Variants in DTL observed in about 807,000 individuals in gnomAD.
The protein encoded by DTL is denticleless E3 ubiquitin protein ligase adapter, also known as denticleless protein homolog.
In DTL, 46 loss-of-function variants were observed where a neutral mutation model predicts 87.0. That is an observed-to-expected ratio of 0.53 (90% CI 0.42 to 0.68). DTL has a LOEUF of 0.68. DTL is among the 30% of genes least tolerant of loss of function. DTL has a pLI of 0.00. For synonymous variants in DTL, 308 were observed against 311.2 expected, an observed-to-expected ratio of 0.99 and a Z score of 0.11; for missense variants, 737 against 869.4, an observed-to-expected ratio of 0.85 and a Z score of 1.91.
intron 5 of DTL, among the ~76,000 whole-genome samples, chr1:212,052,468 C>T (rs1195582825): frequency 6.6e-6 from 1 of 151,950 alleles, no homozygotes; most frequent in Non-Finnish European, 1.5e-5. Flanking sequence ...GAAATCCCAT[C>T]TTTACTAAAA....
intron 11 of DTL, among the ~76,000 whole-genome samples, chr1:212,077,372 T>C (rs1422873722): frequency 6.6e-6 from 1 of 152,184 alleles, no homozygotes; most frequent in East Asian, 1.9e-4. Context: ...TAGTCACATG[T>C]ACAGGACAGT....
At chr1:212,057,031 C>T (rs540211763) in intron 5 of DTL, among the ~76,000 whole-genome samples, 4 of 152,188 alleles carry the variant, frequency 2.6e-5, no homozygotes, top group African/African-American at 9.6e-5. Context: ...TATGAATTTT[C>T]AGTGTCCCAG....
At chr1:212,038,497 ATCT>A (rs1342161387) in intron 1 of DTL, among the ~76,000 whole-genome samples, 1 of 152,228 alleles carries the variant, frequency 6.6e-6, no homozygotes, top group African/African-American at 2.4e-5. Flanking sequence ...AGACTTCTTC[ATCT>A]TCCTCACAGT....
At position 212,078,217 on chromosome 1, in the gene DTL, T is replaced by G; in HGVS notation, c.1080T>G (p.Ser360=). 5.6e-6 allele frequency: 9 copies of G among 1,613,024 alleles called. No individual in the cohort carries two copies. The highest frequency in any genetic ancestry group is 7.6e-6 in the Non-Finnish European group (9 of 1,179,094). Residue 360 remains serine (S), a synonymous_variant, in exon 12 of 15, where the codon TCT becomes TCG. Coordinates refer to ENST00000366991, the MANE Select transcript of DTL (RefSeq NM_016448.4). ...WQPPTVLLGH[S]QEVTSVCWCP... ...CTCCTACTGTGCTCCTGGGTCATTC[T>G]CAAGAGGTCACGTCTGTGTGCTGGT...
At chr1:212,064,620 A>G (rs1267695462) in intron 6 of DTL, among the ~76,000 whole-genome samples, 1 of 152,152 alleles carries the variant, frequency 6.6e-6, no homozygotes, top group Non-Finnish European at 1.5e-5. Context: ...TATCAAGCTC[A>G]TTTCTTTCCA....
chr1:212,087,521 G>C (rs1009397666), intron 13 of DTL, among the ~76,000 whole-genome samples: 1 of 151,804 alleles, frequency 6.6e-6, no homozygotes, highest in South Asian at 2.1e-4. Flanking sequence ...CTGCACTCCA[G>C]CCTGAGCGAC....
chr1:212,065,480 G>A (rs879302542), intron 7 of DTL, among the ~76,000 whole-genome samples: 3 of 151,984 alleles, frequency 2.0e-5, no homozygotes, highest in Non-Finnish European at 2.9e-5. Context: ...AATACTGTGT[G>A]CATCAGAGTT....
intron 11 of DTL, among the ~76,000 whole-genome samples, chr1:212,073,451 GTTATATCATTTTTTATCC>G (rs1479769635): frequency 6.6e-6 from 1 of 152,166 alleles, no homozygotes; most frequent in African/African-American, 2.4e-5. Context: ...TCAAGAGAAA[GTTATATCATTTTTTATCC>G]TGCCAAGCTC....
intron 13 of DTL, among the ~76,000 whole-genome samples, chr1:212,096,404 C>T (rs1558091588): frequency 6.6e-6 from 1 of 151,904 alleles, no homozygotes; most frequent in African/African-American, 2.4e-5. Context: ...TATATCTTTC[C>T]TCCTCCTGGG....
intron 1 of DTL, among the ~76,000 whole-genome samples, chr1:212,039,983 A>G (rs906683557): frequency 6.6e-6 from 1 of 152,206 alleles, no homozygotes; most frequent in African/African-American, 2.4e-5. Context: ...CTTAGGCTGC[A>G]TTAAATTGAT....
chr1:212,076,233 G>T (rs567730701), intron 11 of DTL, among the ~76,000 whole-genome samples: 1 of 152,114 alleles, frequency 6.6e-6, no homozygotes, highest in African/African-American at 2.4e-5. Context: ...AACAGAATTC[G>T]ATTCCTAAGA....
At chr1:212,076,098 T>G (rs1319779165) in intron 11 of DTL, among the ~76,000 whole-genome samples, 3 of 152,238 alleles carry the variant, frequency 2.0e-5, no homozygotes, top group Non-Finnish European at 4.4e-5. Context: ...CACATTTTGT[T>G]TATTCATTCA....
At chr1:212,080,173 T>C (rs1654949270) in intron 12 of DTL, among the ~76,000 whole-genome samples, 3 of 152,228 alleles carry the variant, frequency 2.0e-5, no homozygotes, top group Admixed American at 2.0e-4. Flanking sequence ...AAGTCTGATC[T>C]TGCAAATGGT....
At chr1:212,050,174 ATAAAT>A (rs1485756776) in intron 5 of DTL, among the ~76,000 whole-genome samples, 7 of 152,170 alleles carry the variant, frequency 4.6e-5, no homozygotes, top group Admixed American at 3.3e-4. Context: ...CAGTCTCAAA[ATAAAT>A]TAATTAAATC....
chr1:212,079,674 A>G (rs1654935279), intron 12 of DTL, among the ~76,000 whole-genome samples: 1 of 152,184 alleles, frequency 6.6e-6, no homozygotes. Flanking sequence ...TAAGATAAAG[A>G]ATGTAAACTA....
chr1:212,058,961 C>A (rs185482229), intron 5 of DTL, among the ~76,000 whole-genome samples: 2 of 152,148 alleles, frequency 1.3e-5, no homozygotes, highest in African/African-American at 4.8e-5. Context: ...AGGACACATG[C>A]AACCTACCAA....
At chr1:212,072,888 C>T (rs149164842) in intron 11 of DTL, among the ~76,000 whole-genome samples, 3,064 of 151,806 alleles carry the variant, frequency 0.02, 99 homozygotes, top group African/African-American at 0.069. Flanking sequence ...CTCAGCCTCC[C>T]GAATAACTGG....
intron 13 of DTL, among the ~76,000 whole-genome samples, chr1:212,084,996 A>G (rs1409946800): frequency 3.3e-5 from 5 of 152,248 alleles, no homozygotes; most frequent in African/African-American, 1.2e-4. Flanking sequence ...TCTCTAGATT[A>G]CTTAAAATAC....
intron 13 of DTL, among the ~76,000 whole-genome samples, chr1:212,089,455 T>C (rs987193765): frequency 1.3e-5 from 2 of 152,246 alleles, no homozygotes; most frequent in African/African-American, 4.8e-5. Context: ...CTGATACATA[T>C]ATACCTTTGT....
Sources: gnomAD v4.1 joint callset for allele counts (sites outside exome capture counted in the v4.1 genomes callset) on GRCh38, gnomAD v4.1.1 for gene constraint, MANE v1.5 for transcripts, NCBI Gene and HGNC (gene_info 2026-07-23, HGNC 2026-07-21) for gene names.